Variants in NRXN1 observed in about 807,000 individuals in gnomAD.
NRXN1 encodes the protein neurexin-1.
NRXN1 carries 39 observed loss-of-function variants against 150.9 expected under a neutral mutation model. The ratio of observed to expected loss-of-function variants is 0.26; its 90% confidence interval spans 0.20 to 0.34. NRXN1 has a LOEUF of 0.34. Ranked by LOEUF, NRXN1 falls within the 10% of genes least tolerant of loss-of-function variation. The pLI, the probability that NRXN1 is intolerant of heterozygous loss-of-function variation, is 1.00. For missense variants in NRXN1, 1,815 were observed against 1,949.9 expected (o/e 0.93, Z 1.30); for synonymous variants, 924 against 757.0 (o/e 1.22, Z -3.62).
chr2:50,884,414 A>C (rs1185385886), intron 5 of NRXN1, among the ~76,000 whole-genome samples: 5 of 151,790 alleles, frequency 3.3e-5, no homozygotes, highest in Admixed American at 2.6e-4. Context: ...ATGAGCTTTC[A>C]AATAATGCAT....
intron 12 of NRXN1, among the ~76,000 whole-genome samples, chr2:50,515,600 G>GGT (rs60612860): frequency 0.12 from 16,955 of 143,328 alleles, 1,092 homozygotes; most frequent in East Asian, 0.24. Context: ...AAATGCTTGG[G>GGT]GTGTGTGTGT....
intron 5 of NRXN1, among the ~76,000 whole-genome samples, chr2:50,910,201 T>C (rs530683738): frequency 6.6e-6 from 1 of 152,148 alleles, no homozygotes; most frequent in South Asian, 2.1e-4. Context: ...TTTTGATCTT[T>C]CCTCCATGTA....
rs1235628845 is a variant in NRXN1 at position 50,530,545 on chromosome 2, G to C, written c.2347+682C>G. Among the ~76,000 whole-genome samples, 3 of 152,054 alleles carry C rather than the reference G, an allele frequency of 2.0e-5. No individual in the cohort carries two copies. The South Asian group carries it at 6.2e-4, about 32-fold the overall frequency. On this transcript the variant is annotated intron_variant, in intron 11 of 22. Coordinates refer to ENST00000401669, the MANE Select transcript of NRXN1 (RefSeq NM_001330078.2). ...CCCATAATTCATCTAGATTGGTGAG[G>C]TTTTACTGTAATGGGTCTTTCTTAA...
intron 17 of NRXN1, among the ~76,000 whole-genome samples, chr2:50,248,126 T>A (rs1483375625): frequency 6.6e-6 from 1 of 152,022 alleles, no homozygotes; most frequent in Admixed American, 6.6e-5. Flanking sequence ...AATCCTCCCA[T>A]CTCAGCCTCC....
chr2:49,979,045 T>A (rs1391485253), intron 21 of NRXN1, among the ~76,000 whole-genome samples: 1 of 152,142 alleles, frequency 6.6e-6, no homozygotes, highest in Non-Finnish European at 1.5e-5. Flanking sequence ...ATGCCTGTAA[T>A]CCCAGTTCTT....
At chr2:50,693,320 G>A (rs1692334769) in intron 5 of NRXN1, among the ~76,000 whole-genome samples, 1 of 152,162 alleles carries the variant, frequency 6.6e-6, no homozygotes, top group East Asian at 1.9e-4. Flanking sequence ...GTAGACTGAG[G>A]TGCCAAGATT....
chr2:50,278,911 C>T (rs2071031859), intron 17 of NRXN1, among the ~76,000 whole-genome samples: 1 of 152,138 alleles, frequency 6.6e-6, no homozygotes, highest in Non-Finnish European at 1.5e-5. Context: ...GATTTAATTA[C>T]AAATAAAGCA....
chr2:50,452,336 G>C (rs563348204), intron 17 of NRXN1, among the ~76,000 whole-genome samples: 1 of 152,250 alleles, frequency 6.6e-6, no homozygotes, highest in African/African-American at 2.4e-5. Context: ...GTAAAAATAG[G>C]TCTGAGGGTT....
chr2:50,909,771 A>G (rs577133951), intron 5 of NRXN1, among the ~76,000 whole-genome samples: 13 of 152,114 alleles, frequency 8.5e-5, no homozygotes, highest in African/African-American at 3.1e-4. Flanking sequence ...ATTCTCTTCT[A>G]ATGCAGAAAG....
At chr2:51,013,054 G>C (rs1427384622) in intron 2 of NRXN1, among the ~76,000 whole-genome samples, 3 of 152,024 alleles carry the variant, frequency 2.0e-5, no homozygotes, top group East Asian at 1.9e-4. Context: ...ATATTCTGTG[G>C]TTATGCAGCA....
At chr2:50,170,252 AATG>A (rs2059947446) in intron 18 of NRXN1, among the ~76,000 whole-genome samples, 1 of 152,022 alleles carries the variant, frequency 6.6e-6, no homozygotes, top group African/African-American at 2.4e-5. Context: ...TGAACACCAG[AATG>A]ATGCTCAAGG....
chr2:50,786,915 T>A (rs1278108418), intron 5 of NRXN1, among the ~76,000 whole-genome samples: 1 of 152,162 alleles, frequency 6.6e-6, no homozygotes, highest in Non-Finnish European at 1.5e-5. Context: ...ATTCTTCATT[T>A]GTTTCTGTTT....
At chr2:50,172,526 C>A (rs2060095334) in intron 18 of NRXN1, among the ~76,000 whole-genome samples, 3 of 152,008 alleles carry the variant, frequency 2.0e-5, no homozygotes. Flanking sequence ...TACCACCACC[C>A]CACAACTCCA....
intron 5 of NRXN1, among the ~76,000 whole-genome samples, chr2:50,649,763 G>C (rs576740374): frequency 6.6e-6 from 1 of 152,014 alleles, no homozygotes; most frequent in Non-Finnish European, 1.5e-5. Context: ...ACTCCTTAGA[G>C]CAAGGGAATT....
intron 5 of NRXN1, among the ~76,000 whole-genome samples, chr2:50,778,355 T>C (rs1703923912): frequency 6.6e-6 from 1 of 152,228 alleles, no homozygotes; most frequent in South Asian, 2.1e-4. Flanking sequence ...CATTCAAATA[T>C]AACATAGTAA....
intron 5 of NRXN1, among the ~76,000 whole-genome samples, chr2:50,721,951 G>A (rs1696713010): frequency 6.6e-6 from 1 of 152,084 alleles, no homozygotes. Flanking sequence ...GAGTTGAATT[G>A]TGATTTTTGC....
At chr2:50,904,977 C>T (rs1683467301) in intron 5 of NRXN1, among the ~76,000 whole-genome samples, 1 of 152,090 alleles carries the variant, frequency 6.6e-6, no homozygotes, top group Non-Finnish European at 1.5e-5. Context: ...ACTCCAATGT[C>T]TTCATTCATT....
chr2:50,728,653 A>G (rs1344434255), intron 5 of NRXN1, among the ~76,000 whole-genome samples: 2 of 152,176 alleles, frequency 1.3e-5, no homozygotes, highest in African/African-American at 4.8e-5. Context: ...TAGTGTCTAT[A>G]ACGTTAAGAA....
At chr2:50,854,782 C>T (rs751541560) in intron 5 of NRXN1, among the ~76,000 whole-genome samples, 8 of 152,130 alleles carry the variant, frequency 5.3e-5, no homozygotes, top group Admixed American at 1.3e-4. Context: ...ATAGCTAATT[C>T]AGGCACAAGG....
Sources: allele counts gnomAD v4.1 joint callset (sites outside exome capture counted in the v4.1 genomes callset), GRCh38; gene constraint gnomAD v4.1.1; transcripts MANE v1.5; gene names NCBI Gene and HGNC (gene_info 2026-07-23, HGNC 2026-07-21).